MAML3: variants seen among roughly 807,000 people sequenced by gnomAD.
MAML3 encodes mastermind like transcriptional coactivator 3, also known as mastermind-like protein 3.
A neutral mutation model predicts 101.9 loss-of-function variants in MAML3; 27 were observed. The ratio of observed to expected loss-of-function variants is 0.27; its 90% CI spans 0.20 to 0.37. The LOEUF is 0.37. Among genes scored for constraint, MAML3 ranks in the 10% least tolerant of loss-of-function variants. The pLI is 1.00. For synonymous variants in MAML3, 501 were observed against 555.9 expected (o/e 0.90, Z 1.39); for missense variants, 1,316 against 1,444.9 (o/e 0.91, Z 1.45).
intron 1 of MAML3, among the ~76,000 whole-genome samples, chr4:139,993,096 A>G (rs1734712001): frequency 6.6e-6 from 1 of 152,220 alleles, no homozygotes; most frequent in African/African-American, 2.4e-5. Context: ...TTATGCCTGT[A>G]ATCCCAGCAC....
intron 1 of MAML3, among the ~76,000 whole-genome samples, chr4:139,945,285 T>C (rs1733702050): frequency 6.6e-6 from 1 of 152,240 alleles, no homozygotes; most frequent in South Asian, 2.1e-4. Flanking sequence ...CTGCAGATTC[T>C]TTGAATTATC....
chr4:139,832,971 C>T (rs1731194576), intron 2 of MAML3, among the ~76,000 whole-genome samples: 1 of 152,204 alleles, frequency 6.6e-6, no homozygotes, highest in South Asian at 2.1e-4. Flanking sequence ...GAGAGCATAA[C>T]AGTAATTTAT....
At chr4:140,051,557 CAAA>C (rs545993388) in intron 1 of MAML3, among the ~76,000 whole-genome samples, 1 of 103,384 alleles carries the variant, frequency 9.7e-6, no homozygotes, top group Admixed American at 1.1e-4. Flanking sequence ...GACTCAGTCT[CAAA>C]AAAAAAAAAA....
chr4:139,856,270 A>AAAAAAT (rs1731660842), intron 2 of MAML3, among the ~76,000 whole-genome samples: 1 of 150,876 alleles, frequency 6.6e-6, no homozygotes, highest in Non-Finnish European at 1.5e-5. Flanking sequence ...TAGTGCAGTC[A>AAAAAAT]AAAAATATTC....
chr4:139,973,521 T>G (rs1325663900), intron 1 of MAML3, among the ~76,000 whole-genome samples: 1 of 152,184 alleles, frequency 6.6e-6, no homozygotes, highest in African/African-American at 2.4e-5. Flanking sequence ...TCTTGGAAAC[T>G]CTTTGTTTCC....
intron 1 of MAML3, among the ~76,000 whole-genome samples, chr4:140,112,091 G>C (rs1728447592): frequency 6.6e-6 from 1 of 152,088 alleles, no homozygotes; most frequent in Non-Finnish European, 1.5e-5. Flanking sequence ...CTCTAAACAA[G>C]AGCTTTTACC....
chr4:140,082,365 ACC>A (rs1442499265), intron 1 of MAML3, among the ~76,000 whole-genome samples: 1 of 152,232 alleles, frequency 6.6e-6, no homozygotes, highest in Non-Finnish European at 1.5e-5. Context: ...TTTAAAACAA[ACC>A]ACACAGACAC....
intron 1 of MAML3, among the ~76,000 whole-genome samples, chr4:140,103,415 T>C (rs1728283878): frequency 6.6e-6 from 1 of 152,234 alleles, no homozygotes; most frequent in Non-Finnish European, 1.5e-5. Flanking sequence ...TAAAGTGGCT[T>C]CTAGCAGAGA....
chr4:139,903,133 A>G (rs1381467009), intron 1 of MAML3, among the ~76,000 whole-genome samples: 1 of 152,232 alleles, frequency 6.6e-6, no homozygotes, highest in East Asian at 1.9e-4. Context: ...TGAAGACAGT[A>G]ATGTTCACAA....
At chr4:140,050,543 C>G (rs1324960015) in intron 1 of MAML3, among the ~76,000 whole-genome samples, 1 of 151,358 alleles carries the variant, frequency 6.6e-6, no homozygotes, top group Non-Finnish European at 1.5e-5. Flanking sequence ...GCACCGCCTC[C>G]CAGGTTCTCC....
intron 1 of MAML3, among the ~76,000 whole-genome samples, chr4:140,004,697 C>T (rs1293545124): frequency 1.3e-5 from 2 of 152,048 alleles, no homozygotes; most frequent in East Asian, 1.9e-4. Flanking sequence ...AGGAAAAACG[C>T]AGCGCTCACG....
At chr4:139,897,422 A>T (rs1397450753) in intron 1 of MAML3, among the ~76,000 whole-genome samples, 1 of 152,194 alleles carries the variant, frequency 6.6e-6, no homozygotes, top group Non-Finnish European at 1.5e-5. Context: ...AAGCACAGTC[A>T]TGCCCTCATC....
chr4:140,087,714 A>ATCAT (rs1727975814), intron 1 of MAML3, among the ~76,000 whole-genome samples: 1 of 152,186 alleles, frequency 6.6e-6, no homozygotes, highest in Non-Finnish European at 1.5e-5. Context: ...GAGGGTGTGT[A>ATCAT]CTTTTCAGGG....
intron 1 of MAML3, among the ~76,000 whole-genome samples, chr4:140,014,733 T>G (rs993590872): frequency 2.0e-5 from 3 of 152,244 alleles, no homozygotes; most frequent in Non-Finnish European, 4.4e-5. Flanking sequence ...ATTTGTTCTG[T>G]GTTCACACCT....
intron 1 of MAML3, among the ~76,000 whole-genome samples, chr4:140,118,144 G>A (rs1414278112): frequency 6.6e-6 from 1 of 150,772 alleles, no homozygotes; most frequent in African/African-American, 2.4e-5. Context: ...CAACCCCCAG[G>A]TTAAAATATT....
chr4:139,874,822 G>A (rs80302995), intron 2 of MAML3, among the ~76,000 whole-genome samples: 1 of 31,450 alleles, frequency 3.2e-5, no homozygotes, highest in Admixed American at 2.7e-4. Flanking sequence ...TTTTTTTTTT[G>A]AGATGGAGTC....
chr4:139,892,526 T>G (rs1416028318), intron 1 of MAML3, among the ~76,000 whole-genome samples: 1 of 151,836 alleles, frequency 6.6e-6, no homozygotes. Context: ...TTGCCTCCAT[T>G]CATTTGCTCT....
intron 1 of MAML3, among the ~76,000 whole-genome samples, chr4:140,135,202 A>G (rs1361273464): frequency 6.6e-6 from 1 of 152,202 alleles, no homozygotes; most frequent in Non-Finnish European, 1.5e-5. Flanking sequence ...ATGCTCAGCA[A>G]AAGGCCTATT....
intron 1 of MAML3, among the ~76,000 whole-genome samples, chr4:140,118,357 T>G (rs1297040339): frequency 6.6e-6 from 1 of 152,044 alleles, no homozygotes; most frequent in African/African-American, 2.4e-5. Context: ...TCTCATTAGG[T>G]TGAAGATTAA....
Sources: gnomAD v4.1 joint callset for allele counts (sites outside exome capture counted in the v4.1 genomes callset) on GRCh38, gnomAD v4.1.1 for gene constraint, MANE v1.5 for transcripts, NCBI Gene and HGNC (gene_info 2026-07-23, HGNC 2026-07-21) for gene names.